PCDHGA11: variants seen among roughly 807,000 people sequenced by gnomAD.
PCDHGA11 encodes protocadherin gamma-A11.
PCDHGA11 carries 39 observed loss-of-function variants against 60.4 expected under a neutral mutation model. The observed-to-expected ratio is 0.65, with a 90% CI of 0.50 to 0.84. The LOEUF (loss-of-function observed/expected upper bound fraction) is 0.84, where lower values mean the gene tolerates loss of function less well. Among genes scored for constraint, PCDHGA11 ranks in the 40% least tolerant of loss-of-function variants. The probability of loss-of-function intolerance (pLI) is 0.00; values close to 1 mark genes in which losing one functional copy is unlikely to be tolerated. For synonymous variants in PCDHGA11, 533 were observed against 510.3 expected, an observed-to-expected ratio of 1.04 and a Z score of -0.60; for missense variants, 1,165 against 1,197.7, an observed-to-expected ratio of 0.97 and a Z score of 0.40.
chr5:141,424,365 T>A (rs933291305), intron 1 of PCDHGA11: 7 of 152,246 alleles, frequency 4.6e-5, no homozygotes, highest in African/African-American at 1.7e-4. Context: ...TAGATCACAT[T>A]TTTTCTTAAG....
chr5:141,473,163 G>T (rs1379230893), intron 1 of PCDHGA11, among the ~76,000 whole-genome samples: 2 of 152,160 alleles, frequency 1.3e-5, no homozygotes, highest in Non-Finnish European at 1.5e-5. Flanking sequence ...GGGCTAGGAA[G>T]GCCCACTGGT....
intron 1 of PCDHGA11, among the ~76,000 whole-genome samples, chr5:141,482,526 C>T (rs1198022164): frequency 1.5e-5 from 1 of 68,582 alleles, no homozygotes; most frequent in African/African-American, 9.7e-5. Flanking sequence ...ATGAGACAGA[C>T]ATGCAAAAAA....
chr5:141,489,166 C>A lies in PCDHGA11; in HGVS notation c.2434-5641C>A. The A allele has an allele frequency of 9.1e-7, 1 of 1,099,536 alleles. No individual in the cohort carries two copies. The highest frequency in any genetic ancestry group is 1.3e-6 in the Non-Finnish European group (1 of 761,554). The allele number at this position is 1,099,536 out of a possible 1,614,324, so 68.1% of individuals were successfully genotyped here. ...AAGGAGACATAAGAGACTTCAGCTGCTGCATTCCAAGCCCTGGGTCTACCT... is the reference window on the plus strand; with the variant it reads ...AAGGAGACATAAGAGACTTCAGCTGATGCATTCCAAGCCCTGGGTCTACCT... On this transcript the variant is annotated intron_variant, in intron 1 of 3. Transcript: ENST00000398587. This position sits in a 1 kb window ranked among gnomAD's most constrained non-coding sequence, Gnocchi z 4.5.
intron 1 of PCDHGA11, among the ~76,000 whole-genome samples, chr5:141,480,768 A>G (rs1371582817): frequency 6.6e-6 from 1 of 152,162 alleles, no homozygotes; most frequent in African/African-American, 2.4e-5. Flanking sequence ...TCCCCACTTG[A>G]TCCTAATGTG....
chr5:141,435,194 C>G (rs538114313), intron 1 of PCDHGA11, among the ~76,000 whole-genome samples: 85 of 152,214 alleles, frequency 5.6e-4, no homozygotes, highest in Middle Eastern at 6.8e-3. Flanking sequence ...AGATGGCTAG[C>G]AAATTCATAA....
chr5:141,473,245 C>T (rs2099317733), intron 1 of PCDHGA11, among the ~76,000 whole-genome samples: 1 of 152,134 alleles, frequency 6.6e-6, no homozygotes, highest in African/African-American at 2.4e-5. Context: ...CAAGTGAATA[C>T]ATATATAGTC....
chr5:141,469,880 C>T (rs774827232), intron 1 of PCDHGA11, among the ~76,000 whole-genome samples: 7 of 152,210 alleles, frequency 4.6e-5, no homozygotes, highest in East Asian at 1.9e-4. Flanking sequence ...CCTGTAATCT[C>T]GGCACTTTGG....
At chr5:141,446,339 G>A (rs1455819111) in intron 1 of PCDHGA11, among the ~76,000 whole-genome samples, 1 of 152,164 alleles carries the variant, frequency 6.6e-6, no homozygotes, top group Non-Finnish European at 1.5e-5. Flanking sequence ...GAACTGGATG[G>A]ACAAAGCTAC....
intron 1 of PCDHGA11, among the ~76,000 whole-genome samples, chr5:141,459,660 T>C (rs73280323): frequency 7.9e-4 from 120 of 152,386 alleles, no homozygotes; most frequent in African/African-American, 2.7e-3. Flanking sequence ...AATATCACTT[T>C]ACATTTTCAT....
In PCDHGA11 at chr5:141,491,667, G is replaced by C. The variant is rs746903142; in HGVS notation, c.2434-3140G>C. The C allele has an allele frequency of 3.7e-6, 6 of 1,613,678 alleles. No individual in the cohort carries two copies. The South Asian group carries it at 6.6e-5, about 18-fold the overall frequency. On this transcript the variant is annotated intron_variant, in intron 1 of 3. Transcript: ENST00000398587. This position sits in a 1 kb window ranked among gnomAD's most constrained non-coding sequence, Gnocchi z 6.9. Reference sequence around the variant, plus strand: ...TGGCGCTGGAGCCTGACGCCATCCGGTCCCGCTCTAATACGCTGCGGGAGC... The same window carrying C: ...TGGCGCTGGAGCCTGACGCCATCCGCTCCCGCTCTAATACGCTGCGGGAGC...
Position 141,432,110 on chromosome 5 carries a change from G to T in PCDHGA11, c.2433+8450G>T, listed in dbSNP as rs768038692. The T allele has an allele frequency of 6.2e-7, 1 of 1,614,108 alleles. No homozygotes were observed. Among genetic ancestry groups the T allele is most frequent in the Non-Finnish European group, 8.5e-7 (1 of 1,180,036 alleles). ...GGCAGACACCAACGACAACCCGCCG[G>T]TCTTCCCTCAGGCCTCCTATTCCGC... On this transcript the variant is annotated intron_variant, in intron 1 of 3. Coordinates refer to ENST00000398587, the MANE Select transcript of PCDHGA11 (RefSeq NM_018914.3). The surrounding 1 kb of genome is among the most constrained non-coding windows in gnomAD (Gnocchi z 6.0).
intron 1 of PCDHGA11, chr5:141,478,150 C>T (rs569939900): frequency 6.2e-7 from 1 of 1,614,086 alleles, no homozygotes; most frequent in African/African-American, 1.3e-5. Flanking sequence ...CCGAGTTCCC[C>T]TCTGGCTCTG....
At chr5:141,426,680 T>TC in intron 1 of PCDHGA11, 1 of 431,452 alleles carries the variant, frequency 2.3e-6, no homozygotes, top group South Asian at 1.6e-5. Context: ...CACCTCATTT[T>TC]CCCCAAAATA....
intron 1 of PCDHGA11, among the ~76,000 whole-genome samples, chr5:141,473,267 C>G (rs1458810488): frequency 1.3e-5 from 2 of 152,248 alleles, no homozygotes; most frequent in African/African-American, 2.4e-5. Flanking sequence ...TTAGTGTATG[C>G]TATGATTATT....
chr5:141,500,433 T>C (rs1398344932), intron 2 of PCDHGA11, among the ~76,000 whole-genome samples: 1 of 151,764 alleles, frequency 6.6e-6, no homozygotes, highest in East Asian at 1.9e-4. Context: ...ATGGTCTCGA[T>C]CTCCTGACCT....
At position 141,485,331 on chromosome 5, in the gene PCDHGA11, T is replaced by G; in HGVS notation, c.2434-9476T>G. 6.2e-7 allele frequency: 1 copy of G among 1,614,166 alleles called. No individual in the cohort carries two copies. Among genetic ancestry groups the G allele is most frequent in the Admixed American group, 1.7e-5 (1 of 60,022 alleles). Reference sequence around the variant, plus strand: ...GTAGGGAATGTCGCTCAAGATTTCCTGCTGGATACGGACAGTCTGTCAGCT... The same window carrying G: ...GTAGGGAATGTCGCTCAAGATTTCCGGCTGGATACGGACAGTCTGTCAGCT... On this transcript the variant is annotated intron_variant, in intron 1 of 3. Coordinates refer to ENST00000398587, the MANE Select transcript of PCDHGA11 (RefSeq NM_018914.3). The surrounding 1 kb of genome is among the most constrained non-coding windows in gnomAD (Gnocchi z 5.7).
chr5:141,440,578 C>T (rs2098188646), intron 1 of PCDHGA11: 1 of 152,138 alleles, frequency 6.6e-6, no homozygotes, highest in Non-Finnish European at 1.5e-5. Flanking sequence ...CTGAGTTTAC[C>T]CAGCTGGAAC....
Position 141,421,397 on chromosome 5 carries a change from C to T in PCDHGA11, c.170C>T (p.Pro57Leu). ...GNISKDLGLE[P>L]RELAKRGVRI... ...ATCTCCAAGGACCTGGGGCTGGAGC[C>T]CCGGGAGCTGGCGAAGCGCGGAGTC... Residue 57 changes from proline to leucine, a missense_variant, in exon 1 of 4, where the codon CCC (proline) becomes CTC (leucine). By Grantham distance (98) the Pro-to-Leu change is moderately conservative (BLOSUM62 -3). Transcript: ENST00000398587. 1 of 1,614,030 alleles carries T rather than the reference C, an allele frequency of 6.2e-7. No homozygotes were observed. Among genetic ancestry groups the T allele is most frequent in the Non-Finnish European group, 8.5e-7 (1 of 1,179,912 alleles).
chr5:141,476,766 T>C lies in PCDHGA11; in HGVS notation c.2434-18041T>C. ...AGTCTCCAGTTAGTGCTGACGGCGT[T>C]GGACGGAGGGACCCCAGCTCTCTCC... On this transcript the variant is annotated intron_variant, in intron 1 of 3. Coordinates refer to ENST00000398587, the MANE Select transcript of PCDHGA11 (RefSeq NM_018914.3). This position sits in a 1 kb window ranked among gnomAD's most constrained non-coding sequence, Gnocchi z 7.6. The C allele has an allele frequency of 1.9e-6, 3 of 1,613,626 alleles. No individual in the cohort carries two copies. The highest frequency in any genetic ancestry group is 2.5e-6 in the Non-Finnish European group (3 of 1,179,952).
Sources: allele counts gnomAD v4.1 joint callset (sites outside exome capture counted in the v4.1 genomes callset), GRCh38; gene constraint gnomAD v4.1.1; non-coding constraint Gnocchi (gnomAD v3.1); transcripts MANE v1.5; gene names NCBI Gene and HGNC (gene_info 2026-07-23, HGNC 2026-07-21).